GPSM1: variants seen among roughly 807,000 people sequenced by gnomAD.
GPSM1 encodes G protein signaling modulator 1.
A neutral mutation model predicts 70.5 loss-of-function variants in GPSM1; 48 were observed. That is an observed-to-expected ratio of 0.68 (90% confidence interval 0.54 to 0.87). The LOEUF is 0.87. Ranked by LOEUF, GPSM1 falls within the 40% of genes least tolerant of loss-of-function variation. The pLI is 0.00. For missense variants in GPSM1, 981 were observed against 972.6 expected, an observed-to-expected ratio of 1.01 and a Z score of -0.11; for synonymous variants, 416 against 430.1, an observed-to-expected ratio of 0.97 and a Z score of 0.41.
At chr9:136,354,363 G>A (rs985693083) in intron 11 of GPSM1, among the ~76,000 whole-genome samples, 11 of 152,176 alleles carry the variant, frequency 7.2e-5, no homozygotes, top group African/African-American at 1.7e-4. Flanking sequence ...GTCAGGTGTC[G>A]GGAATTCCAG....
intron 9 of GPSM1, among the ~76,000 whole-genome samples, chr9:136,345,714 G>A (rs1281234198): frequency 6.6e-6 from 1 of 152,198 alleles, no homozygotes; most frequent in Non-Finnish European, 1.5e-5. Context: ...GGGAGACGGA[G>A]CGGGGCTCTC....
intron 4 of GPSM1, 149 bp downstream of exon 4, chr9:136,337,221 G>A (rs1832263307): frequency 1.2e-5 from 13 of 1,050,540 alleles, no homozygotes; most frequent in Non-Finnish European, 1.6e-5. Flanking sequence ...CGCTTTCTCA[G>A]CTGCTGGCTC....
chr9:136,346,029 T>C (rs1220644718), intron 9 of GPSM1, among the ~76,000 whole-genome samples: 1 of 152,176 alleles, frequency 6.6e-6, no homozygotes, highest in Non-Finnish European at 1.5e-5. Context: ...AGGGTGGCGA[T>C]GGGAGCCCTG....
intron 1 of GPSM1, 45 bp from the exon 2 acceptor site, chr9:136,334,402 C>A: frequency 6.7e-7 from 1 of 1,496,148 alleles, no homozygotes; most frequent in Non-Finnish European, 9.2e-7. Context: ...GGCCCCGGGG[C>A]GACTTTGCCA....
chr9:136,349,786 C>G (rs1832613935), intron 11 of GPSM1, 23 bp downstream of exon 11: 1 of 1,548,180 alleles, frequency 6.5e-7, no homozygotes, highest in East Asian at 2.4e-5. Context: ...GACGGCAGAT[C>G]CAGGCCGAGA....
intron 9 of GPSM1, among the ~76,000 whole-genome samples, chr9:136,346,894 T>A (rs1471053630): frequency 6.6e-6 from 1 of 152,096 alleles, no homozygotes; most frequent in African/African-American, 2.4e-5. Flanking sequence ...TCTCCCTCTG[T>A]GGATGTTGTG....
intron 2 of GPSM1, 74 bp downstream of exon 2, chr9:136,334,742 G>A: frequency 1.6e-6 from 2 of 1,258,874 alleles, no homozygotes; most frequent in Non-Finnish European, 1.1e-6. Context: ...CGGCCCTGCT[G>A]GTGGGTGAGT....
intron 9 of GPSM1, among the ~76,000 whole-genome samples, chr9:136,344,579 C>T (rs367798189): frequency 3.4e-4 from 52 of 152,310 alleles, no homozygotes; most frequent in African/African-American, 1.1e-3. Context: ...TTCTCATGAC[C>T]TCATGTAAAC....
At chr9:136,338,508 C>A in intron 6 of GPSM1, 47 bp from the exon 7 acceptor site, 1 of 1,564,250 alleles carries the variant, frequency 6.4e-7, no homozygotes, top group Non-Finnish European at 8.7e-7. Flanking sequence ...TTCCACCCCT[C>A]ACCCTGGAGC....
chr9:136,337,799 C>A, intron 5 of GPSM1, 47 bp from the exon 6 acceptor site: 1 of 1,441,670 alleles, frequency 6.9e-7, no homozygotes, highest in Non-Finnish European at 9.7e-7. Flanking sequence ...CCACGTCAGG[C>A]CCCGGGGCTG....
At chr9:136,350,921 GC>G (rs1832644831) in intron 11 of GPSM1, among the ~76,000 whole-genome samples, 1 of 152,182 alleles carries the variant, frequency 6.6e-6, no homozygotes, top group South Asian at 2.1e-4. Context: ...CAGGTGACAG[GC>G]CGGGCCTGTG....
At chr9:136,336,434 G>T (rs1554769256) in intron 3 of GPSM1, among the ~76,000 whole-genome samples, 3 of 152,220 alleles carry the variant, frequency 2.0e-5, no homozygotes, top group African/African-American at 7.2e-5. Flanking sequence ...CTGGGCTGCG[G>T]CAGTGGGAGG....
chr9:136,352,094 T>C (rs1198645235), intron 11 of GPSM1, among the ~76,000 whole-genome samples: 1 of 150,490 alleles, frequency 6.6e-6, no homozygotes, highest in African/African-American at 2.5e-5. Context: ...ACTGCGCCGT[T>C]GCTGTTGGTG....
intron 1 of GPSM1, among the ~76,000 whole-genome samples, chr9:136,330,922 G>C (rs182628394): frequency 6.6e-6 from 1 of 152,312 alleles, no homozygotes; most frequent in East Asian, 1.9e-4. Flanking sequence ...CCTGAAGGTG[G>C]ACAAATGGTC....
In GPSM1 at chr9:136,348,782, C is replaced by T. The variant is rs78380613; in HGVS notation, c.1278+15C>T. The T allele has an allele frequency of 3.8e-4, 614 of 1,597,382 alleles. No individual in the cohort carries two copies. The highest frequency in any genetic ancestry group is 5.0e-4 in the South Asian group (45 of 90,478). Reference sequence around the variant, plus strand: ...CCCTGGAGCGGGTGAGCCAGGGACACGGGACCGATGTCAGCACAGCCGCTG... The same window carrying T: ...CCCTGGAGCGGGTGAGCCAGGGACATGGGACCGATGTCAGCACAGCCGCTG... On this transcript the variant is annotated intron_variant, in intron 10 of 13. Transcript: ENST00000440944.
intron 1 of GPSM1, among the ~76,000 whole-genome samples, chr9:136,328,677 C>T (rs976422134): frequency 6.6e-6 from 1 of 152,204 alleles, no homozygotes; most frequent in African/African-American, 2.4e-5. Flanking sequence ...GTACTGGTGG[C>T]GGCACGGCGG....
intron 11 of GPSM1, among the ~76,000 whole-genome samples, chr9:136,350,789 C>T (rs1161929559): frequency 2.6e-5 from 4 of 152,208 alleles, no homozygotes; most frequent in African/African-American, 7.2e-5. Flanking sequence ...AGGAGCCCCC[C>T]GCGTTGCTGT....
At chr9:136,353,052 G>A in intron 11 of GPSM1, 1 of 983,018 alleles carries the variant, frequency 1.0e-6, no homozygotes, top group South Asian at 4.7e-5. Flanking sequence ...TGGCACTTTG[G>A]GCAGGGCGGT....
chr9:136,355,810 G>A lies in GPSM1; in HGVS notation c.1576G>A (p.Glu526Lys), dbSNP rs782102251. Reference protein sequence around the residue: ...PLDDGQAGAAEATAAPTLEDR... With the variant: ...PLDDGQAGAAKATAAPTLEDR... The stretch of plus-strand genomic sequence containing the variant: ...GGACGATGGCCAGGCCGGGGCTGCC[G>A]AGGCCACGGCCGCCCCCACCCTGGA... Residue 526 changes from glutamate to lysine, a missense_variant, in exon 12 of 14, where the codon GAG becomes AAG. Coordinates refer to ENST00000440944, the MANE Select transcript of GPSM1 (RefSeq NM_001145638.3). 5.6e-5 allele frequency: 90 copies of A among 1,611,248 alleles called. No individual in the cohort carries two copies. The highest frequency in any genetic ancestry group is 1.2e-4 in the South Asian group (11 of 90,968).
Sources: allele counts gnomAD v4.1 joint callset (sites outside exome capture counted in the v4.1 genomes callset), GRCh38; gene constraint gnomAD v4.1.1; transcripts MANE v1.5; gene names NCBI Gene and HGNC (gene_info 2026-07-23, HGNC 2026-07-21).